Variants in CENPP observed in about 807,000 individuals in gnomAD.
CENPP encodes the protein centromere protein P.
A neutral mutation model predicts 35.6 loss-of-function variants in CENPP; 24 were observed. The ratio of observed to expected loss-of-function variants is 0.67; its 90% CI spans 0.49 to 0.95. CENPP has a LOEUF of 0.95. Ranked by LOEUF, CENPP falls within the 40% of genes least tolerant of loss-of-function variation. The pLI, the probability that CENPP is intolerant of heterozygous loss-of-function variation, is 0.00. For synonymous variants in CENPP, 120 were observed against 125.5 expected (o/e 0.96, Z 0.29); for missense variants, 332 against 345.3 (o/e 0.96, Z 0.31).
chr9:92,556,626 T>C (rs1056848063), intron 5 of CENPP, among the ~76,000 whole-genome samples: 6 of 152,234 alleles, frequency 3.9e-5, no homozygotes, highest in Non-Finnish European at 8.8e-5. Flanking sequence ...CTTTAAAGTT[T>C]GTTTTGTCTG....
At chr9:92,339,519 A>G (rs767558463) in intron 3 of CENPP, 3 of 152,150 alleles carry the variant, frequency 2.0e-5, no homozygotes, top group Non-Finnish European at 4.4e-5. Context: ...CCCAGCCTGT[A>G]CTCGTCTTAG....
At chr9:92,372,820 CTT>C (rs112464210) in intron 4 of CENPP, among the ~76,000 whole-genome samples, 3 of 145,074 alleles carry the variant, frequency 2.1e-5, no homozygotes, top group African/African-American at 2.5e-5. Context: ...TTTTCTTTTT[CTT>C]TTTTTTTTTG....
chr9:92,576,883 A>G (rs1850295849), intron 5 of CENPP, among the ~76,000 whole-genome samples: 1 of 152,200 alleles, frequency 6.6e-6, no homozygotes, highest in Non-Finnish European at 1.5e-5. Flanking sequence ...TAGGTAAGCA[A>G]TTTGATCAGA....
At chr9:92,549,664 C>CAAA (rs1336335161) in intron 5 of CENPP, among the ~76,000 whole-genome samples, 1 of 145,050 alleles carries the variant, frequency 6.9e-6, no homozygotes, top group Non-Finnish European at 1.5e-5. Flanking sequence ...AAAAACAAAA[C>CAAA]AAAACAAAAC....
chr9:92,544,599 AGTT>A (rs1350595628), intron 5 of CENPP, among the ~76,000 whole-genome samples: 2 of 152,062 alleles, frequency 1.3e-5, no homozygotes, highest in African/African-American at 4.8e-5. Context: ...TACATTCCAA[AGTT>A]GTTCTTTAAA....
chr9:92,366,077 G>A (rs1209538022), intron 4 of CENPP, among the ~76,000 whole-genome samples: 1 of 151,628 alleles, frequency 6.6e-6, no homozygotes, highest in Non-Finnish European at 1.5e-5. Context: ...CTACTCAGTA[G>A]GCTGAGGCAG....
chr9:92,331,787 C>G (rs1229828320), intron 1 of CENPP, among the ~76,000 whole-genome samples: 1 of 151,992 alleles, frequency 6.6e-6, no homozygotes, highest in Non-Finnish European at 1.5e-5. Context: ...AAAGCCAGAC[C>G]TTGTCTCTAT....
At chr9:92,403,473 C>G in intron 5 of CENPP, 2 of 1,514,828 alleles carry the variant, frequency 1.3e-6, no homozygotes, top group Non-Finnish European at 1.8e-6. Flanking sequence ...GGACAAAACT[C>G]TCTTTTTCCC....
At chr9:92,574,231 T>A (rs994379741) in intron 5 of CENPP, among the ~76,000 whole-genome samples, 2 of 151,930 alleles carry the variant, frequency 1.3e-5, no homozygotes, top group Non-Finnish European at 1.5e-5. Context: ...CCAGAATGTA[T>A]TTTTTTTAAT....
chr9:92,481,446 C>T (rs879671686), intron 5 of CENPP, among the ~76,000 whole-genome samples: 3 of 152,116 alleles, frequency 2.0e-5, no homozygotes, highest in South Asian at 2.1e-4. Flanking sequence ...ATGACTCAGT[C>T]CCTACACCAT....
intron 5 of CENPP, chr9:92,474,653 T>C (rs1247041556): frequency 1.2e-6 from 2 of 1,613,470 alleles, no homozygotes; most frequent in African/African-American, 2.7e-5. Context: ...AACTCGTGAA[T>C]AGCACTGACA....
At chr9:92,457,312 A>T in intron 5 of CENPP, 1 of 1,613,978 alleles carries the variant, frequency 6.2e-7, no homozygotes, top group Non-Finnish European at 8.5e-7. Flanking sequence ...TCCCAAGCTG[A>T]ACGCTCATTC....
At chr9:92,540,693 C>T (rs1849298342) in intron 5 of CENPP, among the ~76,000 whole-genome samples, 2 of 151,650 alleles carry the variant, frequency 1.3e-5, no homozygotes, top group African/African-American at 4.9e-5. Context: ...ATCACTTGAA[C>T]CTGGGAGGCA....
At position 92,345,735 on chromosome 9, in the gene CENPP, A is replaced by G; in HGVS notation, c.415A>G (p.Asn139Asp). ...ERLSSAVTDL[N>D]IIMEPTECSE... ...ATTATCTTCTGCTGTTACTGACCTC[A>G]ACATAATAATGGAGCCCACAGAATG... The change falls in exon 4 of 8, where the codon AAC (asparagine) becomes GAC (aspartate). Residue 139 changes from asparagine (N) to aspartate (D), a missense_variant. Transcript: ENST00000375587. 6.2e-7 allele frequency: 1 copy of G among 1,602,378 alleles called. No individual in the cohort carries two copies. Among genetic ancestry groups the G allele is most frequent in the Non-Finnish European group, 8.5e-7 (1 of 1,170,198 alleles).
At chr9:92,486,521 T>A (rs901069911) in intron 5 of CENPP, among the ~76,000 whole-genome samples, 2 of 152,220 alleles carry the variant, frequency 1.3e-5, no homozygotes, top group African/African-American at 4.8e-5. Flanking sequence ...TGATGTCCTA[T>A]GTAGCAGCAA....
At chr9:92,352,505 G>GTATATATATATATATATATATATATATA (rs1554753078) in intron 4 of CENPP, among the ~76,000 whole-genome samples, 2 of 49,790 alleles carry the variant, frequency 4.0e-5, no homozygotes, top group South Asian at 6.5e-4. Flanking sequence ...GTGTGTGTGT[G>GTATATATATATATATATATATATATATA]TATACATATA....
At chr9:92,489,662 G>A (rs1432216491) in intron 5 of CENPP, among the ~76,000 whole-genome samples, 1 of 151,680 alleles carries the variant, frequency 6.6e-6, no homozygotes, top group Non-Finnish European at 1.5e-5. Flanking sequence ...TTGAGTTCCA[G>A]TTTCCTCACC....
At chr9:92,340,621 T>C (rs1348797694) in intron 3 of CENPP, 1 of 152,676 alleles carries the variant, frequency 6.5e-6, no homozygotes, top group Non-Finnish European at 1.5e-5. Context: ...AAATTAATAC[T>C]TTTATAATTT....
intron 2 of CENPP, among the ~76,000 whole-genome samples, chr9:92,336,221 T>G (rs1220433572): frequency 6.6e-6 from 1 of 152,206 alleles, no homozygotes; most frequent in African/African-American, 2.4e-5. Flanking sequence ...GCAGGAAAAC[T>G]ATGAAAGTGA....
Sources: gnomAD v4.1 joint callset for allele counts (sites outside exome capture counted in the v4.1 genomes callset) on GRCh38, gnomAD v4.1.1 for gene constraint, MANE v1.5 for transcripts, NCBI Gene and HGNC (gene_info 2026-07-23, HGNC 2026-07-21) for gene names.